Variants in SNRNP25 observed in about 807,000 individuals in gnomAD.
SNRNP25 encodes small nuclear ribonucleoprotein U11/U12 subunit 25, also known as U11/U12 small nuclear ribonucleoprotein 25 kDa protein.
A neutral mutation model predicts 23.9 loss-of-function variants in SNRNP25; 21 were observed. That is an observed-to-expected ratio of 0.88 (90% CI 0.62 to 1.27). The LOEUF (loss-of-function observed/expected upper bound fraction) is 1.27. SNRNP25 is among the 50% of genes most tolerant of loss of function. The pLI is 0.00. For synonymous variants in SNRNP25, 63 were observed against 60.4 expected (o/e 1.04, Z -0.20); for missense variants, 160 against 156.9 (o/e 1.02, Z -0.11).
chr16:56,416 C>T (rs1003039371), intron 3 of SNRNP25, 123 bp from the exon 4 acceptor site: 181 of 880,754 alleles, frequency 2.1e-4, no homozygotes, highest in Non-Finnish European at 9.1e-5. Flanking sequence ...TACAGAACAG[C>T]CCAGGTAGGG....
intron 2 of SNRNP25, 56 bp downstream of exon 2, chr16:55,605 G>C (rs1296846390): frequency 6.3e-7 from 1 of 1,599,102 alleles, no homozygotes; most frequent in Non-Finnish European, 8.6e-7. Flanking sequence ...ACAGCAGGAA[G>C]ACCTAACAGT....
intron 2 of SNRNP25, 89 bp from the exon 3 acceptor site, chr16:55,686 GCA>G: frequency 1.3e-6 from 2 of 1,543,316 alleles, no homozygotes; most frequent in Non-Finnish European, 8.9e-7. Flanking sequence ...CCTGCCCTGT[GCA>G]CAGAGGTGTT....
intron 2 of SNRNP25, 74 bp from the exon 3 acceptor site, chr16:55,703 C>A: frequency 6.4e-7 from 1 of 1,570,174 alleles, no homozygotes; most frequent in Non-Finnish European, 8.7e-7. Flanking sequence ...GGTGTTGGTT[C>A]CTTTCCTGCC....
chr16:56,935 G>C, intron 4 of SNRNP25, 151 bp from the exon 5 acceptor site: 1 of 766,778 alleles, frequency 1.3e-6, no homozygotes, highest in Non-Finnish European at 2.1e-6. Flanking sequence ...TTCTGGGTCT[G>C]TGAGAGGATG....
intron 1 of SNRNP25, 62 bp downstream of exon 1, chr16:54,120 C>G: frequency 2.0e-6 from 3 of 1,531,904 alleles, no homozygotes; most frequent in Non-Finnish European, 1.8e-6. Context: ...CATCCGGGCG[C>G]CGGCAGCCTC....
intron 3 of SNRNP25, 55 bp downstream of exon 3, chr16:55,937 T>C (rs897498201): frequency 6.7e-7 from 1 of 1,502,486 alleles, no homozygotes; most frequent in East Asian, 2.3e-5. Context: ...AGTGCCCTTC[T>C]TGGCACTGTC....
In SNRNP25 at chr16:55,898, T is replaced by C; in HGVS notation, c.239+16T>C. On this transcript the variant is annotated intron_variant, in intron 3 of 4. Coordinates refer to ENST00000293861, the MANE Select transcript of SNRNP25 (RefSeq NM_024571.4). Reference sequence around the variant, plus strand: ...ACATCAGCTGGTAAGTGGAACAACATTCCCTTCATTATAGCCCTTCGTGGG... The same window carrying C: ...ACATCAGCTGGTAAGTGGAACAACACTCCCTTCATTATAGCCCTTCGTGGG... The C allele has an allele frequency of 6.2e-7, 1 of 1,609,568 alleles. No homozygotes were observed. Among genetic ancestry groups the C allele is most frequent in the Non-Finnish European group, 8.5e-7 (1 of 1,177,010 alleles).
In SNRNP25 at chr16:57,177, TG is replaced by T. The variant is rs760882878; in HGVS notation, c.*36del. 4.3e-6 allele frequency: 7 copies of T among 1,609,488 alleles called. No homozygotes were observed. Among genetic ancestry groups the T allele is most frequent in the Non-Finnish European group, 6.0e-6 (7 of 1,176,072 alleles). ...ACAGGACAACCCTCTTCATCACTGG[TG>T]GCTGAGCTTTTTCCCAGCAGGAATG... On this transcript the variant is annotated 3_prime_UTR_variant, in exon 5 of 5. Coordinates refer to ENST00000293861, the MANE Select transcript of SNRNP25 (RefSeq NM_024571.4).
chr16:54,714 T>C (rs1897384499), intron 1 of SNRNP25, among the ~76,000 whole-genome samples: 1 of 151,740 alleles, frequency 6.6e-6, no homozygotes, highest in Non-Finnish European at 1.5e-5. Context: ...TACTGTCTTT[T>C]TATTTATTTA....
At chr16:54,210 G>C in intron 1 of SNRNP25, 152 bp downstream of exon 1, 2 of 867,262 alleles carry the variant, frequency 2.3e-6, no homozygotes, top group East Asian at 2.7e-5. Context: ...ACCTTGACCG[G>C]GCGCACTCGC....
At position 53,829 on chromosome 16, in the gene SNRNP25, C is replaced by A; in HGVS notation, c.-188C>A. The A allele has an allele frequency of 7.7e-7, 1 of 1,298,202 alleles. No homozygotes were observed. The highest frequency in any genetic ancestry group is 1.0e-6 in the Non-Finnish European group (1 of 997,014). 80.4% of individuals were successfully genotyped at this position (1,298,202 alleles called of 1,614,324 possible). On this transcript the variant is annotated 5_prime_UTR_variant, in exon 1 of 5. Transcript: ENST00000293861. ...TGGGCGGCCTCGCTGGGGCGGGCCG[C>A]AGTTCCTGCGCGTGCGCGCTTGGCC...
At position 55,803 on chromosome 16, in the gene SNRNP25, G is replaced by C; in HGVS notation, c.160G>C (p.Val54Leu). The change falls in exon 3 of 5, where the codon GTC (valine) becomes CTC (leucine). Residue 54 changes from valine (V) to leucine (L), a missense_variant. Val to Leu is a conservative substitution (Grantham distance 32). Transcript: ENST00000293861. Reference protein sequence around the residue: ...MPVVVVQSATVLDLKKAIQRY... With the variant: ...MPVVVVQSATLLDLKKAIQRY... ...CGTGGTTGTAGTGCAGAGTGCCACA[G>C]TCCTGGACCTGAAGAAGGCCATCCA... The C allele has an allele frequency of 6.2e-7, 1 of 1,614,188 alleles. No individual in the cohort carries two copies. Among genetic ancestry groups the C allele is most frequent in the Non-Finnish European group, 8.5e-7 (1 of 1,180,024 alleles).
intron 4 of SNRNP25, 124 bp from the exon 5 acceptor site, chr16:56,962 G>C: frequency 9.2e-7 from 1 of 1,083,192 alleles, no homozygotes; most frequent in Non-Finnish European, 1.4e-6. Context: ...GCACTTCCTG[G>C]CCTTCCCAGA....
intron 1 of SNRNP25, 140 bp from the exon 2 acceptor site, chr16:55,319 C>A: frequency 1.4e-6 from 1 of 692,968 alleles, no homozygotes; most frequent in African/African-American, 1.8e-5. Context: ...ATTGGGAAAC[C>A]ATAACGTACA....
intron 1 of SNRNP25, among the ~76,000 whole-genome samples, chr16:54,644 G>T (rs930394461): frequency 1.3e-5 from 2 of 152,164 alleles, no homozygotes; most frequent in Non-Finnish European, 2.9e-5. Context: ...AGTACTGATT[G>T]TTCCATTTGC....
chr16:55,507 G>C lies in SNRNP25; in HGVS notation c.91G>C (p.Ala31Pro). 6.2e-7 allele frequency: 1 copy of C among 1,614,180 alleles called. No homozygotes were observed. Among genetic ancestry groups the C allele is most frequent in the Middle Eastern group, 1.7e-4 (1 of 6,060 alleles). The change falls in exon 2 of 5, where the codon GCA (alanine) becomes CCA (proline). Residue 31 changes from alanine (A) to proline (P), a missense_variant. Transcript: ENST00000293861. ...NSQIALEYGQ[A>P]MTVRVCKMDG... is the part of the protein sequence containing the mutation. ...CCAAATAGCCCTAGAATACGGCCAG[G>C]CAATGACGGTCCGAGTGTGCAAGAT... is the stretch of plus-strand genomic sequence containing the variant.
At position 57,177 on chromosome 16, in the gene SNRNP25, T is replaced by C; in HGVS notation, c.*34T>C. 2.5e-6 allele frequency: 4 copies of C among 1,609,488 alleles called. No individual in the cohort carries two copies. Among genetic ancestry groups the C allele is most frequent in the Non-Finnish European group, 3.4e-6 (4 of 1,176,072 alleles). ...ACAGGACAACCCTCTTCATCACTGG[T>C]GGCTGAGCTTTTTCCCAGCAGGAAT... On this transcript the variant is annotated 3_prime_UTR_variant, in exon 5 of 5. Transcript: ENST00000293861.
intron 4 of SNRNP25, 147 bp downstream of exon 4, chr16:56,760 A>G (rs1897416652): frequency 1.2e-6 from 1 of 864,142 alleles, no homozygotes; most frequent in African/African-American, 1.7e-5. Flanking sequence ...CACTAGGAGA[A>G]TGGCAGGCAG....
rs969886977 is a variant in SNRNP25, at chr16:57,537, C to A, written c.*394C>A. The A allele has an allele frequency of 8.3e-6, 2 of 241,534 alleles. No homozygotes were observed. 15.0% of individuals were successfully genotyped at this position (241,534 alleles called of 1,614,324 possible). A position where few individuals can be genotyped will look rare whatever the true frequency, so the allele number is the denominator to read the frequency against. On this transcript the variant is annotated 3_prime_UTR_variant, in exon 5 of 5. Transcript: ENST00000293861. ...GTTAAGGGGAGAGAATTGGTACAGG[C>A]GAGTCCTATAGTCCAAGATGGCGCC...
Sources: allele counts gnomAD v4.1 joint callset (sites outside exome capture counted in the v4.1 genomes callset), GRCh38; gene constraint gnomAD v4.1.1; transcripts MANE v1.5; gene names NCBI Gene and HGNC (gene_info 2026-07-23, HGNC 2026-07-21).